SLC24A3: variants seen among roughly 807,000 people sequenced by gnomAD.
SLC24A3 encodes solute carrier family 24 member 3.
Under a neutral mutation model 75.8 loss-of-function variants are expected in SLC24A3, and 28 were observed. The observed-to-expected ratio is 0.37, with a 90% CI of 0.27 to 0.51. The LOEUF is 0.51. SLC24A3 is among the 20% of genes least tolerant of loss of function. The pLI is 0.94. For synonymous variants in SLC24A3, 372 were observed against 334.1 expected (o/e 1.11, Z -1.24); for missense variants, 663 against 847.8 (o/e 0.78, Z 2.71).
chr20:19,318,420 C>T (rs1984632178), intron 2 of SLC24A3, among the ~76,000 whole-genome samples: 1 of 152,138 alleles, frequency 6.6e-6, no homozygotes, highest in African/African-American at 2.4e-5. Flanking sequence ...CAAGAAAGAC[C>T]AGAGCCAGGG....
chr20:19,365,401 AC>A (rs1429191719), intron 2 of SLC24A3, among the ~76,000 whole-genome samples: 1 of 152,150 alleles, frequency 6.6e-6, no homozygotes, highest in East Asian at 1.9e-4. Context: ...CTGTAGAGGA[AC>A]CACGATAGCT....
At chr20:19,572,191 A>G (rs1179023512) in intron 3 of SLC24A3, among the ~76,000 whole-genome samples, 5 of 152,056 alleles carry the variant, frequency 3.3e-5, no homozygotes, top group Non-Finnish European at 5.9e-5. Flanking sequence ...AATGTTACGT[A>G]AAAAAACTAG....
chr20:19,467,998 T>C (rs1987797604), intron 2 of SLC24A3, among the ~76,000 whole-genome samples: 1 of 151,636 alleles, frequency 6.6e-6, no homozygotes, highest in Non-Finnish European at 1.5e-5. Flanking sequence ...AGAGCTTCCA[T>C]AGGAAAGAGT....
chr20:19,505,228 G>A (rs1379028108), intron 2 of SLC24A3, among the ~76,000 whole-genome samples: 1 of 152,142 alleles, frequency 6.6e-6, no homozygotes, highest in Non-Finnish European at 1.5e-5. Context: ...TCATGATGTT[G>A]GATCAACTTC....
intron 3 of SLC24A3, among the ~76,000 whole-genome samples, chr20:19,567,994 A>C (rs1247864325): frequency 7.7e-6 from 1 of 130,468 alleles, no homozygotes; most frequent in East Asian, 2.3e-4. Context: ...ACTTTTCTGC[A>C]AAAAAATGAT....
chr20:19,343,429 C>T (rs541344293), intron 2 of SLC24A3, among the ~76,000 whole-genome samples: 1 of 152,260 alleles, frequency 6.6e-6, no homozygotes, highest in African/African-American at 2.4e-5. Flanking sequence ...AATTAACACA[C>T]GTGAAGCAAT....
At position 19,220,243 on chromosome 20, in the gene SLC24A3, AG is replaced by A. The variant is rs559916317; in HGVS notation, c.142+7261del. Among the ~76,000 whole-genome samples the A allele has an allele frequency of 4.2e-4, 64 of 152,340 alleles. No individual in the cohort carries two copies. In the East Asian group the frequency reaches 0.012, roughly 29 times the overall value. On this transcript the variant is annotated intron_variant, in intron 1 of 16. Transcript: ENST00000328041. ...GGCTTGTCAATAGTGATTTATTTTTAGGAGAGAGTGAACAAATAAAGTCAGC... is the reference window on the plus strand; with the variant it reads ...GGCTTGTCAATAGTGATTTATTTTTAGAGAGAGTGAACAAATAAAGTCAGC...
At chr20:19,214,652 G>T (rs750848669) in intron 1 of SLC24A3, among the ~76,000 whole-genome samples, 3 of 152,050 alleles carry the variant, frequency 2.0e-5, no homozygotes, top group Non-Finnish European at 4.4e-5. Flanking sequence ...GGCTGCCTGG[G>T]CCCTGAAAAG....
chr20:19,448,315 C>G (rs1312838088), intron 2 of SLC24A3, among the ~76,000 whole-genome samples: 2 of 152,254 alleles, frequency 1.3e-5, no homozygotes, highest in African/African-American at 4.8e-5. Flanking sequence ...ACACAAGTCA[C>G]AAGTGGTTAC....
At chr20:19,573,622 C>A (rs548342583) in intron 3 of SLC24A3, among the ~76,000 whole-genome samples, 1 of 152,304 alleles carries the variant, frequency 6.6e-6, no homozygotes, top group Admixed American at 6.5e-5. Context: ...GCATGGTGTC[C>A]TCAGGGCCCT....
intron 2 of SLC24A3, among the ~76,000 whole-genome samples, chr20:19,488,760 C>A (rs538165029): frequency 3.3e-5 from 5 of 152,098 alleles, no homozygotes; most frequent in African/African-American, 1.2e-4. Flanking sequence ...AATCTAAATA[C>A]AAAATTTAAT....
chr20:19,583,850 A>G (rs2031256132), intron 4 of SLC24A3, among the ~76,000 whole-genome samples: 1 of 152,140 alleles, frequency 6.6e-6, no homozygotes. Flanking sequence ...TCTGCTCGGC[A>G]TCCCATGTGA....
intron 6 of SLC24A3, among the ~76,000 whole-genome samples, chr20:19,623,400 A>T (rs547355927): frequency 7.9e-5 from 12 of 152,184 alleles, no homozygotes; most frequent in Non-Finnish European, 1.3e-4. Context: ...GCTGCAAAGG[A>T]CCATCAAGGC....
intron 1 of SLC24A3, among the ~76,000 whole-genome samples, chr20:19,278,262 C>T (rs532344121): frequency 2.0e-5 from 3 of 152,304 alleles, no homozygotes; most frequent in East Asian, 1.9e-4. Context: ...TGCATGTCTA[C>T]GCTGGCCCCC....
intron 3 of SLC24A3, 23 bp downstream of exon 3, chr20:19,515,587 G>A (rs911147164): frequency 2.5e-6 from 4 of 1,613,136 alleles, no homozygotes; most frequent in Non-Finnish European, 3.4e-6. Context: ...CTGTGCCTCT[G>A]CCTGGAGGGT....
rs916670396 is a variant in SLC24A3, at chr20:19,674,669, G to A, written c.767+1015G>A. Among the ~76,000 whole-genome samples, 3 of 152,196 alleles carry A rather than the reference G, an allele frequency of 2.0e-5. No individual in the cohort carries two copies. In the South Asian group the frequency reaches 6.2e-4, roughly 32 times the overall value. ...AAGGGGCTGGCATCACTTAGTGAAG[G>A]GAAAAATGTCAAAGAACTGTTGAGG... On this transcript the variant is annotated intron_variant, in intron 9 of 16. Transcript: ENST00000328041.
intron 2 of SLC24A3, among the ~76,000 whole-genome samples, chr20:19,402,783 G>T (rs1221477366): frequency 6.6e-6 from 1 of 152,182 alleles, no homozygotes; most frequent in Non-Finnish European, 1.5e-5. Context: ...AGGGGGTGAT[G>T]TAGTTCAAGA....
chr20:19,248,205 C>A (rs1222739105), intron 1 of SLC24A3, among the ~76,000 whole-genome samples: 1 of 152,112 alleles, frequency 6.6e-6, no homozygotes, highest in Non-Finnish European at 1.5e-5. Flanking sequence ...CTTGTGGGAG[C>A]CAGATGTCAG....
chr20:19,269,713 G>T (rs1346691088), intron 1 of SLC24A3, among the ~76,000 whole-genome samples: 1 of 152,080 alleles, frequency 6.6e-6, no homozygotes, highest in Non-Finnish European at 1.5e-5. Context: ...ATGGTAGTGG[G>T]TGGGGTATGG....
Sources: allele counts gnomAD v4.1 joint callset (sites outside exome capture counted in the v4.1 genomes callset), GRCh38; gene constraint gnomAD v4.1.1; transcripts MANE v1.5; gene names NCBI Gene and HGNC (gene_info 2026-07-23, HGNC 2026-07-21).